The following KLHL21 variants were observed in gnomAD, a reference collection of about 807,000 sequenced individuals.
KLHL21 encodes kelch like family member 21.
KLHL21 carries 42 observed loss-of-function variants against 44.1 expected under a neutral mutation model. That is an observed-to-expected ratio of 0.95 (90% CI 0.74 to 1.23). The LOEUF (loss-of-function observed/expected upper bound fraction) is 1.23. Ranked by LOEUF, KLHL21 falls within the 50% of genes most tolerant of loss-of-function variation. The pLI, the probability that KLHL21 is intolerant of heterozygous loss-of-function variation, is 0.00. For synonymous variants in KLHL21, 524 were observed against 411.6 expected, an observed-to-expected ratio of 1.27 and a Z score of -3.31; for missense variants, 918 against 889.1, an observed-to-expected ratio of 1.03 and a Z score of -0.41.
chr1:6,595,533 C>T lies in KLHL21; in HGVS notation c.1452G>A (p.Val484=), dbSNP rs1640912739. Residue 484 remains valine (V), a synonymous_variant, in exon 3 of 4, where the codon GTG becomes GTA. Coordinates refer to ENST00000377658, the MANE Select transcript of KLHL21 (RefSeq NM_014851.4). The part of the protein sequence containing the change: ...FVRDDSAEVD[V]YNPTRNEWDK... ...CCCATTCGTTCCTCGTCGGGTTGTA[C>T]ACGTCCACCTCAGCGGAGTCATCCC... The T allele has an allele frequency of 6.2e-7, 1 of 1,613,944 alleles. No individual in the cohort carries two copies. The highest frequency in any genetic ancestry group is 1.1e-5 in the South Asian group (1 of 91,078).
In KLHL21 at chr1:6,602,848, C is replaced by T. The variant is rs1285768966; in HGVS notation, c.-31G>A. 3.0e-6 allele frequency: 4 copies of T among 1,344,180 alleles called. No homozygotes were observed. Among genetic ancestry groups the T allele is most frequent in the Non-Finnish European group, 2.9e-6 (3 of 1,052,148 alleles). The allele number at this position is 1,344,180 out of a possible 1,614,324, so 83.3% of individuals were successfully genotyped here. A position where few individuals can be genotyped will look rare whatever the true frequency, so the allele number is the denominator to read the frequency against. On this transcript the variant is annotated 5_prime_UTR_variant, in exon 1 of 4. Coordinates refer to ENST00000377658, the MANE Select transcript of KLHL21 (RefSeq NM_014851.4). ...CTTCGATAGGTTGTCGAGGACGCCG[C>T]GGCCGGGGCCTGCGGAGAGACGCGG...
chr1:6,602,405 C>A lies in KLHL21; in HGVS notation c.413G>T (p.Cys138Phe). 6.3e-7 allele frequency: 1 copy of A among 1,596,490 alleles called. No homozygotes were observed. The highest frequency in any genetic ancestry group is 1.7e-5 in the Admixed American group (1 of 59,046). The change falls in exon 1 of 4, where the codon TGC becomes TTC. Residue 138 changes from cysteine (C) to phenylalanine (F), a missense_variant. Cys to Phe is a radical substitution (Grantham distance 205). Coordinates refer to ENST00000377658, the MANE Select transcript of KLHL21 (RefSeq NM_014851.4). ...CTCAGCGAAGTCCTGCATGTCCAGG[C>A]AGTTGGCCAGGTCGAGCTGCTGCTG... ...FLQQQLDLAN[C>F]LDMQDFAEAF...
intron 3 of KLHL21, chr1:6,594,806 G>A (rs752056335): frequency 6.6e-6 from 1 of 152,434 alleles, no homozygotes; most frequent in South Asian, 2.1e-4. Context: ...AGACAGGAGG[G>A]TCACTTGAGG....
chr1:6,594,025 T>C, intron 3 of KLHL21: 1 of 1,048,330 alleles, frequency 9.5e-7, no homozygotes. Context: ...CTTGCATGGC[T>C]GACAGTGGCA....
rs370458102 is a variant in KLHL21, at chr1:6,595,497, C to T, written c.1488G>A (p.Pro496=). ...NPTRNEWDKI[P]SMNQVHVGGS... ...CCTGAAAATTTACCTGATTCATGGACGGGATCTTGTCCCATTCGTTCCTCG... is the reference window on the plus strand; with the variant it reads ...CCTGAAAATTTACCTGATTCATGGATGGGATCTTGTCCCATTCGTTCCTCG... Residue 496 remains proline, a synonymous_variant, in exon 3 of 4, where the codon CCG becomes CCA. Transcript: ENST00000377658. 1.3e-5 allele frequency: 21 copies of T among 1,614,134 alleles called. No homozygotes were observed. The highest frequency in any genetic ancestry group is 4.0e-5 in the African/African-American group (3 of 75,054).
chr1:6,591,112 T>G lies in KLHL21; in HGVS notation c.*2253A>C. ...CCCAGAACCCACAGCAGAGGGAAAC[T>G]GGGGAGAGGAGGGGGCCTGACCCTG... On this transcript the variant is annotated 3_prime_UTR_variant, in exon 4 of 4. Coordinates refer to ENST00000377658, the MANE Select transcript of KLHL21 (RefSeq NM_014851.4). The G allele has an allele frequency of 2.5e-6, 1 of 398,184 alleles. No individual in the cohort carries two copies. Among genetic ancestry groups the G allele is most frequent in the Non-Finnish European group, 4.4e-6 (1 of 225,890 alleles). 24.7% of individuals were successfully genotyped at this position (398,184 alleles called of 1,614,324 possible). A position where few individuals can be genotyped will look rare whatever the true frequency, so the allele number is the denominator to read the frequency against.
rs755945833 is a variant in KLHL21 at position 6,599,070 on chromosome 1, T to G, written c.1404A>C (p.Leu468=). ...PWSFAPKTAT[L]NGLMYFVRDD... Reference sequence around the variant, plus strand: ...ACCTGACAAAGTACATGAGTCCGTTTAGAGTCGCAGTCTTGGGGGCGAAGG... The same window carrying G: ...ACCTGACAAAGTACATGAGTCCGTTGAGAGTCGCAGTCTTGGGGGCGAAGG... The change falls in exon 2 of 4, where the codon CTA becomes CTC. Residue 468 remains leucine, a synonymous_variant. Coordinates refer to ENST00000377658, the MANE Select transcript of KLHL21 (RefSeq NM_014851.4). 2 of 1,600,396 alleles carry G rather than the reference T, an allele frequency of 1.2e-6. No individual in the cohort carries two copies. The highest frequency in any genetic ancestry group is 3.4e-5 in the Admixed American group (2 of 58,580).
In KLHL21 at chr1:6,590,876, G is replaced by A. The variant is rs1313567429; in HGVS notation, c.*2489C>T. 5 of 398,400 alleles carry A rather than the reference G, an allele frequency of 1.3e-5. No individual in the cohort carries two copies. The highest frequency in any genetic ancestry group is 1.8e-5 in the Non-Finnish European group (4 of 226,020). The allele number at this position is 398,400 out of a possible 1,614,324, so 24.7% of individuals were successfully genotyped here. A position where few individuals can be genotyped will look rare whatever the true frequency, so the allele number is the denominator to read the frequency against. ...AACTGGATGTGGACACTGGAGGGAG[G>A]GCGTCCTTTATTACATACGCGTCTC... On this transcript the variant is annotated 3_prime_UTR_variant, in exon 4 of 4. Transcript: ENST00000377658.
Position 6,601,947 on chromosome 1 carries a change from C to T in KLHL21, c.871G>A (p.Val291Met), listed in dbSNP as rs1004846387. Reference sequence around the variant, plus strand: ...TCACAGTCCTGGTCGCAGCCGCCCACGAGCACGAGGATCTCGGCGAGACCG... The same window carrying T: ...TCACAGTCCTGGTCGCAGCCGCCCATGAGCACGAGGATCTCGGCGAGACCG... ...STGLAEILVL[V>M]GGCDQDCDEL... Residue 291 changes from valine to methionine, a missense_variant, in exon 1 of 4, where the codon GTG (valine) becomes ATG (methionine). Transcript: ENST00000377658. The T allele has an allele frequency of 2.6e-6, 4 of 1,560,064 alleles. No homozygotes were observed.
intron 2 of KLHL21, among the ~76,000 whole-genome samples, chr1:6,596,070 C>G (rs548389968): frequency 1.3e-5 from 2 of 152,208 alleles, no homozygotes; most frequent in African/African-American, 4.8e-5. Context: ...CCCTTTATAT[C>G]CCCACAGTAA....
chr1:6,601,694 C>T, intron 1 of KLHL21, 103 bp downstream of exon 1: 1 of 1,444,006 alleles, frequency 6.9e-7, no homozygotes, highest in Non-Finnish European at 9.1e-7. Flanking sequence ...CTCAGGTGCG[C>T]CCCTAGGATT....
intron 3 of KLHL21, chr1:6,593,871 T>C (rs1038875704): frequency 1.5e-6 from 2 of 1,328,912 alleles, no homozygotes; most frequent in Admixed American, 6.5e-5. Context: ...CCTATGGTGA[T>C]GAGGGTGCCC....
Position 6,599,316 on chromosome 1 carries a change from C to A in KLHL21, c.1158G>T (p.Val386=). Residue 386 remains valine, a synonymous_variant, in exon 2 of 4, where the codon GTG becomes GTT. Transcript: ENST00000377658. ...SSSVLDGLLY[V]VAADSTERYD... ...AGCGCTCGGTGCTGTCGGCGGCCAC[C>A]ACGTACAGCAGTCCGTCCAGCACAG... 1.2e-6 allele frequency: 2 copies of A among 1,613,982 alleles called. No homozygotes were observed. Among genetic ancestry groups the A allele is most frequent in the Non-Finnish European group, 1.7e-6 (2 of 1,180,026 alleles).
chr1:6,599,768 CCTG>C, intron 1 of KLHL21: 2 of 337,644 alleles, frequency 5.9e-6, no homozygotes, highest in Non-Finnish European at 1.1e-5. Flanking sequence ...AGACCAGAGC[CCTG>C]GGCCTTGGGA....
In KLHL21 at chr1:6,602,460, C is replaced by G. The variant is rs1393558207; in HGVS notation, c.358G>C (p.Ala120Pro). 5.7e-6 allele frequency: 9 copies of G among 1,577,568 alleles called. No homozygotes were observed. Among genetic ancestry groups the G allele is most frequent in the African/African-American group, 1.3e-5 (1 of 74,308 alleles). ...LRAADLLQFP[A>P]VKEACGAFLQ... ...AAGGCCCCGCACGCCTCCTTCACGG[C>G]CGGGAACTGCAGCAGGTCGGCGGCG... The change falls in exon 1 of 4, where the codon GCC becomes CCC. Residue 120 changes from alanine (A) to proline (P), a missense_variant. Transcript: ENST00000377658.
chr1:6,600,220 AT>A (rs1208856127), intron 1 of KLHL21, among the ~76,000 whole-genome samples: 2 of 151,816 alleles, frequency 1.3e-5, no homozygotes, highest in Non-Finnish European at 2.9e-5. Flanking sequence ...TAATTTTTGT[AT>A]TTTTTGTACA....
chr1:6,602,107 G>A lies in KLHL21; in HGVS notation c.711C>T (p.His237=), dbSNP rs1192543999. 3 of 1,471,112 alleles carry A rather than the reference G, an allele frequency of 2.0e-6. No individual in the cohort carries two copies. The highest frequency in any genetic ancestry group is 1.5e-5 in the African/African-American group (1 of 67,474). The allele number at this position is 1,471,112 out of a possible 1,614,324, so 91.1% of individuals were successfully genotyped here. ...PFVRRFYLLA[H]VEAEPLVARC... ...GCGCCACCAGCGGCTCGGCCTCGAC[G>A]TGCGCCAACAGGTAGAAGCGGCGCA... Residue 237 remains histidine, a synonymous_variant, in exon 1 of 4, where the codon CAC becomes CAT. Coordinates refer to ENST00000377658, the MANE Select transcript of KLHL21 (RefSeq NM_014851.4).
rs1432268345 is a variant in KLHL21 at position 6,599,177 on chromosome 1, T to G, written c.1297A>C (p.Lys433Gln). 7 of 1,613,936 alleles carry G rather than the reference T, an allele frequency of 4.3e-6. No individual in the cohort carries two copies. The highest frequency in any genetic ancestry group is 5.1e-6 in the Non-Finnish European group (6 of 1,180,036). ...TAGCACTGCATCACCATGGTCTCCT[T>G]GCCAGCCAGGGAGCCGATGGCATAG... ...RLYAIGSLAG[K>Q]ETMVMQCYDP... is the part of the protein sequence containing the mutation. The change falls in exon 2 of 4, where the codon AAG becomes CAG. Residue 433 changes from lysine (K) to glutamine (Q), a missense_variant. Coordinates refer to ENST00000377658, the MANE Select transcript of KLHL21 (RefSeq NM_014851.4).
rs1331798672 is a variant in KLHL21, at chr1:6,590,928, T to C, written c.*2437A>G. 2.5e-6 allele frequency: 1 copy of C among 398,524 alleles called. No homozygotes were observed. Among genetic ancestry groups the C allele is most frequent in the African/African-American group, 2.1e-5 (1 of 48,632 alleles). The allele number at this position is 398,524 out of a possible 1,614,324, so 24.7% of individuals were successfully genotyped here. A position where few individuals can be genotyped will look rare whatever the true frequency, so the allele number is the denominator to read the frequency against. On this transcript the variant is annotated 3_prime_UTR_variant, in exon 4 of 4. Coordinates refer to ENST00000377658, the MANE Select transcript of KLHL21 (RefSeq NM_014851.4). ...GAAGTCATATAAATATAGAATACCT[T>C]ATAGTAGATCAGCATTAAATACCAG...
Sources: allele counts gnomAD v4.1 joint callset (sites outside exome capture counted in the v4.1 genomes callset), GRCh38; gene constraint gnomAD v4.1.1; transcripts MANE v1.5; gene names NCBI Gene and HGNC (gene_info 2026-07-23, HGNC 2026-07-21).